The following PTOV1 variants were observed in gnomAD, a reference collection of about 807,000 sequenced individuals.
PTOV1 encodes PTOV1 extended AT-hook containing adaptor protein, also known as prostate tumor-overexpressed gene 1 protein.
In PTOV1, 20 loss-of-function variants were observed where a neutral mutation model predicts 58.0. That is an observed-to-expected ratio of 0.34 (90% CI 0.24 to 0.50). The LOEUF is 0.50. Ranked by LOEUF, PTOV1 falls within the 20% of genes least tolerant of loss-of-function variation. The probability of loss-of-function intolerance (pLI) is 0.98; values close to 1 mark genes in which losing one functional copy is unlikely to be tolerated. For missense variants in PTOV1, 593 were observed against 565.4 expected (o/e 1.05, Z -0.50); for synonymous variants, 335 against 234.2 (o/e 1.43, Z -3.93).
At chr19:49,855,233 A>T (rs535001787) in intron 5 of PTOV1, 156 bp downstream of exon 5, 1 of 683,196 alleles carries the variant, frequency 1.5e-6, no homozygotes, top group African/African-American at 1.8e-5. Flanking sequence ...GACTGACTCC[A>T]GGCACCCTCC....
chr19:49,851,211 A>G lies in PTOV1; in HGVS notation c.-118A>G, dbSNP rs1039979271. On this transcript the variant is annotated 5_prime_UTR_variant, in exon 1 of 12. Transcript: ENST00000391842. ...CGGCGGCGCGTCCCCCGAGCTTGGT[A>G]CGGCTCAGCCCGTCTCCCCCGAAGC... The G allele has an allele frequency of 3.4e-6, 4 of 1,188,516 alleles. No individual in the cohort carries two copies. In the African/African-American group the frequency reaches 6.5e-5, roughly 19 times the overall value. 73.6% of individuals were successfully genotyped at this position (1,188,516 alleles called of 1,614,324 possible). A position where few individuals can be genotyped will look rare whatever the true frequency, so the allele number is the denominator to read the frequency against.
At chr19:49,857,060 T>C in exon 6 of PTOV1, 1 of 1,614,126 alleles carries the variant, frequency 6.2e-7, no homozygotes, top group Non-Finnish European at 8.5e-7. Context: ...AAGATCTTCA[T>C]GGGCCTCATC....
upstream of PTOV1, chr19:49,850,710 G>C (rs1475802558): frequency 4.0e-6 from 3 of 741,182 alleles, no homozygotes; most frequent in East Asian, 6.3e-5. Flanking sequence ...TGCCCACCTC[G>C]CCACGTCACC....
intron 5 of PTOV1, 88 bp downstream of exon 5, chr19:49,855,165 G>A (rs1448029381): frequency 7.4e-7 from 1 of 1,345,030 alleles, no homozygotes; most frequent in Non-Finnish European, 1.0e-6. Flanking sequence ...CGGGGGTCGG[G>A]GGGTCTCCCC....
At chr19:49,853,953 GA>G (rs1300260758) in intron 1 of PTOV1, among the ~76,000 whole-genome samples, 3 of 152,246 alleles carry the variant, frequency 2.0e-5, no homozygotes, top group Non-Finnish European at 1.5e-5. Flanking sequence ...TTCAGCCTGG[GA>G]AAGACAGGGC....
At chr19:49,858,806 T>C (rs2074601699) in intron 10 of PTOV1, 153 bp downstream of exon 10, 2 of 657,396 alleles carry the variant, frequency 3.0e-6, no homozygotes, top group Non-Finnish European at 5.3e-6. Flanking sequence ...TTCTGGGGGC[T>C]CTGTGCTGTC....
intron 5 of PTOV1, chr19:49,856,454 A>G (rs1051569767): frequency 6.2e-6 from 1 of 160,310 alleles, no homozygotes; most frequent in African/African-American, 2.4e-5. Flanking sequence ...AGCCAGGCAC[A>G]TCTGTCAGGC....
chr19:49,860,445 A>G, exon 12 of PTOV1: 3 of 1,063,674 alleles, frequency 2.8e-6, no homozygotes, highest in Non-Finnish European at 2.6e-6. Context: ...GAGCAGAGGG[A>G]GAGGCAGCAG....
exon 12 of PTOV1, chr19:49,860,599 C>A: frequency 1.9e-6 from 1 of 522,210 alleles, no homozygotes. Context: ...GCCCCCACTG[C>A]ACCCCTGCCC....
At position 49,860,384 on chromosome 19, in the gene PTOV1, G is replaced by C. The variant is rs770996438; in HGVS notation, c.*105G>C. On this transcript the variant is annotated 3_prime_UTR_variant, in exon 12 of 12. Transcript: ENST00000391842. ...ACAGGAGGGACCCTGGGGCATGTGG[G>C]GGGGGTGGGGTTGGGAAAGAAGCAG... The C allele has an allele frequency of 1.9e-5, 24 of 1,274,170 alleles. 2 individuals are homozygous for C. The East Asian group carries it at 3.4e-4, about 18-fold the overall frequency. 78.9% of individuals were successfully genotyped at this position (1,274,170 alleles called of 1,614,324 possible).
At chr19:49,859,666 G>T (rs188686658) in intron 10 of PTOV1, among the ~76,000 whole-genome samples, 2 of 152,338 alleles carry the variant, frequency 1.3e-5, no homozygotes, top group African/African-American at 4.8e-5. Context: ...AGATCCCTCG[G>T]GCTCCTGAGT....
At chr19:49,850,855 C>G, upstream of PTOV1, 2 of 1,535,452 alleles carry the variant, frequency 1.3e-6, no homozygotes, top group Non-Finnish European at 1.7e-6. Context: ...GCGCGGTCTC[C>G]TGGCTCTGCG....
At chr19:49,859,480 A>G (rs2074645635) in intron 10 of PTOV1, among the ~76,000 whole-genome samples, 1 of 152,128 alleles carries the variant, frequency 6.6e-6, no homozygotes, top group South Asian at 2.1e-4. Context: ...GCTGAGTCAC[A>G]AGAATGGCTT....
intron 5 of PTOV1, 124 bp downstream of exon 5, chr19:49,855,201 C>T (rs2074411443): frequency 1.1e-6 from 1 of 871,162 alleles, no homozygotes; most frequent in Non-Finnish European, 1.8e-6. Flanking sequence ...CCCTCGTGGC[C>T]TCTCGGACCC....
intron 1 of PTOV1, 103 bp downstream of exon 1, chr19:49,851,602 C>G: frequency 9.8e-7 from 1 of 1,016,566 alleles, no homozygotes; most frequent in Non-Finnish European, 1.2e-6. Flanking sequence ...TCCGGGGTGT[C>G]CCCTGTGGCC....
chr19:49,850,784 AGTGGGTTCCTTTGTCCC>A (rs2122148063), upstream of PTOV1: 2 of 1,438,852 alleles, frequency 1.4e-6, no homozygotes, highest in East Asian at 5.1e-5. Context: ...GTTCCCTTTC[AGTGGGTTCCTTTGTCCC>A]CAGGCCCATT....
In PTOV1 at chr19:49,855,316, C is replaced by T. The variant is rs1600375975; in HGVS notation, c.558+239C>T. On this transcript the variant is annotated intron_variant, in intron 5 of 11. Transcript: ENST00000391842. ...GCATCTGTGCCCAGCTTCGAGGTGG[C>T]CCTGGGGGCGTGAGTGCAGGGAGGG... The T allele has an allele frequency of 5.3e-5, 29 of 546,592 alleles. No individual in the cohort carries two copies. In the East Asian group the frequency reaches 9.3e-4, roughly 17 times the overall value. The allele number at this position is 546,592 out of a possible 1,614,324, so 33.9% of individuals were successfully genotyped here.
In PTOV1 at chr19:49,854,645, C is replaced by A. The variant is rs770230641; in HGVS notation, c.310-7C>A. 8 of 1,613,454 alleles carry A rather than the reference C, an allele frequency of 5.0e-6. No homozygotes were observed. The East Asian group carries it at 1.8e-4, about 36-fold the overall frequency. The stretch of plus-strand genomic sequence containing the variant: ...TGTGCACAGTGACGCCCCTCCTGCC[C>A]CCACAGAAGCGCAGACCCTACTCTG... On this transcript the variant is annotated splice_polypyrimidine_tract_variant and splice_region_variant and intron_variant, in intron 2 of 11. Coordinates refer to ENST00000391842, the Ensembl canonical transcript of PTOV1.
chr19:49,852,030 T>C, intron 1 of PTOV1: 1 of 985,488 alleles, frequency 1.0e-6, no homozygotes, highest in Non-Finnish European at 1.2e-6. Flanking sequence ...TGGACTGCCG[T>C]GAGCCCAGAC....
Sources: allele counts gnomAD v4.1 joint callset (sites outside exome capture counted in the v4.1 genomes callset), GRCh38; gene constraint gnomAD v4.1.1; transcripts MANE v1.5; gene names NCBI Gene and HGNC (gene_info 2026-07-23, HGNC 2026-07-21).